YTHDC2: variants seen among roughly 807,000 people sequenced by gnomAD.
YTHDC2 encodes the protein 3'-5' RNA helicase YTHDC2.
In YTHDC2, 45 loss-of-function variants were observed where a neutral mutation model predicts 174.9. That is an observed-to-expected ratio of 0.26 (90% CI 0.20 to 0.33). YTHDC2 has a LOEUF of 0.33. YTHDC2 is among the 10% of genes least tolerant of loss of function. YTHDC2 has a pLI of 1.00. For missense variants in YTHDC2, 1,650 were observed against 1,723.7 expected, an observed-to-expected ratio of 0.96 and a Z score of 0.76; for synonymous variants, 657 against 574.5, an observed-to-expected ratio of 1.14 and a Z score of -2.05.
chr5:113,535,525 T>G (rs1774994895), intron 6 of YTHDC2, 117 bp from the exon 7 acceptor site: 2 of 926,060 alleles, frequency 2.2e-6, no homozygotes, highest in Non-Finnish European at 3.1e-6. Flanking sequence ...GAATATTGAT[T>G]GGCCTTGTCC....
chr5:113,589,408 A>ATAT lies in YTHDC2; in HGVS notation c.3826-1633_3826-1632insTAT, dbSNP rs1554103528. On this transcript the variant is annotated intron_variant, in intron 26 of 29. Transcript: ENST00000161863. Reference sequence around the variant, plus strand: ...TCTTTTAAAAATTAAAAAAAAAAAAAATATATATATATATATATATATATG... The same window carrying ATAT: ...TCTTTTAAAAATTAAAAAAAAAAAAATATATATATATATATATATATATATATG... 8.0e-3 allele frequency among the ~76,000 whole-genome samples: 985 copies of ATAT among 123,186 alleles called. 22 individuals are homozygous for ATAT. Among genetic ancestry groups the ATAT allele is most frequent in the South Asian group, 0.021 (81 of 3,886 alleles). The allele number at this position is 123,186 out of a possible 152,430, so 80.8% of individuals were successfully genotyped here.
Position 113,579,577 on chromosome 5 carries a change from C to T in YTHDC2, c.3245-9C>T. ...AAAGTGATTTTTTTTTCATTATGTA[C>T]TTGGACAGTGGATGGCATTCCCAAT... On this transcript the variant is annotated splice_polypyrimidine_tract_variant and intron_variant, in intron 23 of 29. Coordinates refer to ENST00000161863, the MANE Select transcript of YTHDC2 (RefSeq NM_022828.5). 1.3e-6 allele frequency: 2 copies of T among 1,581,282 alleles called. No homozygotes were observed. The highest frequency in any genetic ancestry group is 1.7e-6 in the Non-Finnish European group (2 of 1,164,596).
intron 23 of YTHDC2, among the ~76,000 whole-genome samples, chr5:113,572,750 T>A (rs1359584646): frequency 6.6e-6 from 1 of 152,244 alleles, no homozygotes; most frequent in African/African-American, 2.4e-5. Context: ...TGGTTTAAAG[T>A]CTGTTTTATC....
intron 2 of YTHDC2, among the ~76,000 whole-genome samples, chr5:113,522,798 G>C (rs760443418): frequency 1.3e-5 from 2 of 152,088 alleles, no homozygotes; most frequent in African/African-American, 4.8e-5. Context: ...TGATATATCA[G>C]TGTCACTGTG....
At chr5:113,526,089 G>A (rs1169081774) in intron 3 of YTHDC2, among the ~76,000 whole-genome samples, 3 of 151,926 alleles carry the variant, frequency 2.0e-5, no homozygotes, top group Non-Finnish European at 4.4e-5. Flanking sequence ...TACATGTATA[G>A]CATTAAACAT....
At position 113,563,460 on chromosome 5, in the gene YTHDC2, T is replaced by G; in HGVS notation, c.2410T>G (p.Leu804Val). The G allele has an allele frequency of 6.2e-7, 1 of 1,610,406 alleles. No homozygotes were observed. Among genetic ancestry groups the G allele is most frequent in the Non-Finnish European group, 8.5e-7 (1 of 1,177,882 alleles). ...GAAAGCTCCTGAACCTCCACCAGCT[T>G]TAATTGTAAGAAATGCTGTACAAAT... ...LMKAPEPPPA[L>V]IVRNAVQMLK... Residue 804 changes from leucine to valine, a missense_variant, in exon 19 of 30, where the codon TTA becomes GTA. Around this residue, in one of 5 missense-constraint regions of YTHDC2, gnomAD observed 913 missense variants for 940.4 expected, o/e 0.97. Coordinates refer to ENST00000161863, the MANE Select transcript of YTHDC2 (RefSeq NM_022828.5).
Position 113,561,097 on chromosome 5 carries a change from C to G in YTHDC2, c.2234C>G (p.Pro745Arg). Residue 745 changes from proline (P) to arginine (R), a missense_variant, in exon 18 of 30, where the codon CCT becomes CGT. By Grantham distance (103) the Pro-to-Arg change is moderately radical. Around this residue, in one of 5 missense-constraint regions of YTHDC2, gnomAD observed 913 missense variants for 940.4 expected, o/e 0.97. Transcript: ENST00000161863. ...TTTTTAAGGGCAGGGCGATGTAGAC[C>G]TGGAATTTGTTTTCGTCTGTTCAGT... ...QRKGRAGRCR[P>R]GICFRLFSRL... 2 of 1,607,618 alleles carry G rather than the reference C, an allele frequency of 1.2e-6. No individual in the cohort carries two copies. Among genetic ancestry groups the G allele is most frequent in the Non-Finnish European group, 1.7e-6 (2 of 1,176,256 alleles).
chr5:113,545,976 G>A (rs1775860980), intron 10 of YTHDC2, among the ~76,000 whole-genome samples: 1 of 132,990 alleles, frequency 7.5e-6, no homozygotes, highest in Non-Finnish European at 1.5e-5. Context: ...TCCTGACCTC[G>A]TGATCCGCCC....
intron 2 of YTHDC2, among the ~76,000 whole-genome samples, chr5:113,524,585 T>G (rs1197422971): frequency 6.6e-6 from 1 of 152,130 alleles, no homozygotes; most frequent in Admixed American, 6.5e-5. Flanking sequence ...TAGTCTGAAC[T>G]ATAGACCATA....
At chr5:113,541,263 C>G (rs1171478864) in intron 9 of YTHDC2, 147 bp downstream of exon 9, 2 of 884,500 alleles carry the variant, frequency 2.3e-6, no homozygotes, top group Admixed American at 2.4e-5. Context: ...GTGATCTCGG[C>G]TCACTGCAAG....
chr5:113,536,874 A>C (rs1244276449), intron 7 of YTHDC2, among the ~76,000 whole-genome samples: 3 of 152,182 alleles, frequency 2.0e-5, no homozygotes, highest in African/African-American at 7.2e-5. Flanking sequence ...ACATGAGCAC[A>C]TGGCTAATAC....
intron 29 of YTHDC2, 33 bp downstream of exon 29, chr5:113,593,423 A>AT (rs777448144): frequency 2.0e-6 from 3 of 1,480,826 alleles, no homozygotes; most frequent in Non-Finnish European, 2.8e-6. Context: ...TATTGGCAGT[A>AT]TTTGTGATCA....
At chr5:113,592,455 TTATTTC>T in intron 28 of YTHDC2, 1 of 244,740 alleles carries the variant, frequency 4.1e-6, no homozygotes, top group Non-Finnish European at 7.8e-6. Flanking sequence ...AGTGGCTTGT[TTATTTC>T]TATTGTGTTT....
intron 26 of YTHDC2, among the ~76,000 whole-genome samples, chr5:113,585,198 A>G (rs1580649782): frequency 6.6e-6 from 1 of 151,530 alleles, no homozygotes; most frequent in Admixed American, 6.6e-5. Flanking sequence ...CAGTGGTTAT[A>G]TTAAAAAAAA....
chr5:113,532,011 G>C (rs1774707222), intron 4 of YTHDC2, among the ~76,000 whole-genome samples: 1 of 152,126 alleles, frequency 6.6e-6, no homozygotes. Flanking sequence ...TAAAACTCTG[G>C]AGATAGGTGT....
chr5:113,523,766 G>A (rs962970437), intron 2 of YTHDC2, among the ~76,000 whole-genome samples: 4 of 151,962 alleles, frequency 2.6e-5, no homozygotes, highest in Non-Finnish European at 5.9e-5. Flanking sequence ...TTAATCCCCA[G>A]TTTGATATCA....
At chr5:113,579,323 G>C (rs1477729752) in intron 23 of YTHDC2, among the ~76,000 whole-genome samples, 1 of 152,016 alleles carries the variant, frequency 6.6e-6, no homozygotes. Context: ...AGTTATTAAA[G>C]ATTGTGCTTC....
intron 23 of YTHDC2, among the ~76,000 whole-genome samples, chr5:113,572,858 G>A (rs560745359): frequency 1.7e-3 from 252 of 152,296 alleles, no homozygotes; most frequent in African/African-American, 5.9e-3. Context: ...GGCTTTGCAT[G>A]TGAGATGGGT....
At chr5:113,554,155 G>A (rs1776450134) in intron 16 of YTHDC2, 133 bp downstream of exon 16, 4 of 723,732 alleles carry the variant, frequency 5.5e-6, no homozygotes, top group Non-Finnish European at 7.9e-6. Context: ...ACCAGCGCAT[G>A]CTTTTATAAG....
Sources: allele counts gnomAD v4.1 joint callset (sites outside exome capture counted in the v4.1 genomes callset), GRCh38; gene constraint gnomAD v4.1.1; regional missense constraint gnomAD v4.1.1; transcripts MANE v1.5; gene names NCBI Gene and HGNC (gene_info 2026-07-23, HGNC 2026-07-21).